Variants in ST6GALNAC3 observed in about 807,000 individuals in gnomAD.
ST6GALNAC3 encodes the protein ST6 N-acetylgalactosaminide alpha-2,6-sialyltransferase 3, also known as alpha-N-acetylgalactosaminide alpha-2,6-sialyltransferase 3.
Under a neutral mutation model 32.7 loss-of-function variants are expected in ST6GALNAC3, and 25 were observed. The ratio of observed to expected loss-of-function variants is 0.76; its 90% CI spans 0.56 to 1.07. The LOEUF (loss-of-function observed/expected upper bound fraction) is 1.07, where lower values mean the gene tolerates loss of function less well. Ranked by LOEUF, ST6GALNAC3 falls within the 50% of genes least tolerant of loss-of-function variation. ST6GALNAC3 has a pLI of 0.00. For missense variants in ST6GALNAC3, 355 were observed against 382.4 expected, an observed-to-expected ratio of 0.93 and a Z score of 0.60; for synonymous variants, 129 against 133.1, an observed-to-expected ratio of 0.97 and a Z score of 0.21.
chr1:76,352,662 C>A (rs1012395191), intron 2 of ST6GALNAC3, among the ~76,000 whole-genome samples: 2 of 152,078 alleles, frequency 1.3e-5, no homozygotes, highest in Non-Finnish European at 2.9e-5. Context: ...AGCCCTGACT[C>A]GTACCATGAG....
chr1:76,602,157 A>G (rs776297308), intron 3 of ST6GALNAC3, among the ~76,000 whole-genome samples: 13 of 152,194 alleles, frequency 8.5e-5, no homozygotes, highest in Non-Finnish European at 1.5e-4. Flanking sequence ...AACTACAGAC[A>G]GCTTGGTTAA....
intron 1 of ST6GALNAC3, 164 bp downstream of exon 1, chr1:76,075,048 A>G: frequency 1.1e-6 from 1 of 904,648 alleles, no homozygotes; most frequent in Non-Finnish European, 1.7e-6. Context: ...GGAGATTCTG[A>G]AACATGCAGC....
chr1:76,561,045 A>C (rs1292114604), intron 3 of ST6GALNAC3, among the ~76,000 whole-genome samples: 4 of 152,228 alleles, frequency 2.6e-5, no homozygotes, highest in African/African-American at 9.6e-5. Flanking sequence ...TGTCATTTGC[A>C]GCAACACGGA....
intron 3 of ST6GALNAC3, among the ~76,000 whole-genome samples, chr1:76,535,579 T>C (rs1391034277): frequency 1.3e-5 from 2 of 152,150 alleles, no homozygotes; most frequent in African/African-American, 4.8e-5. Context: ...CAATCTATTT[T>C]AAAAAATGAC....
chr1:76,260,901 T>A (rs1002628187), intron 1 of ST6GALNAC3, among the ~76,000 whole-genome samples: 1 of 151,720 alleles, frequency 6.6e-6, no homozygotes, highest in East Asian at 1.9e-4. Flanking sequence ...GTGCCTTTTT[T>A]AAAAAATAGA....
intron 1 of ST6GALNAC3, among the ~76,000 whole-genome samples, chr1:76,191,348 T>C (rs1157627697): frequency 6.6e-6 from 1 of 151,730 alleles, no homozygotes; most frequent in East Asian, 1.9e-4. Context: ...GAACCACAGT[T>C]ACTAGGATAC....
intron 3 of ST6GALNAC3, among the ~76,000 whole-genome samples, chr1:76,496,613 C>G (rs773673909): frequency 3.9e-5 from 6 of 152,192 alleles, no homozygotes; most frequent in Admixed American, 2.6e-4. Flanking sequence ...TGCCTCCAAA[C>G]CTCCCCACCC....
Position 76,628,804 on chromosome 1 carries a change from T to C in ST6GALNAC3, c.916T>C (p.Ter306ArgextTer1). ...TACACATCCAAACTGGACATTGTCT[T>C]GATAATGGTTTTCCTGATCTTGCCG... Reference protein sequence around the residue: ...IFTHPNWTLS* With the variant: ...IFTHPNWTLSR Residue 306 changes from the stop codon to arginine, a stop_lost, in exon 5 of 5, where the codon TGA (stop) becomes CGA (arginine). Coordinates refer to ENST00000328299, the MANE Select transcript of ST6GALNAC3 (RefSeq NM_152996.4). 6.2e-7 allele frequency: 1 copy of C among 1,610,172 alleles called. No individual in the cohort carries two copies. Among genetic ancestry groups the C allele is most frequent in the Non-Finnish European group, 8.5e-7 (1 of 1,178,172 alleles).
intron 2 of ST6GALNAC3, among the ~76,000 whole-genome samples, chr1:76,361,273 G>C (rs1649911875): frequency 6.6e-6 from 1 of 151,940 alleles, no homozygotes; most frequent in African/African-American, 2.4e-5. Flanking sequence ...TCTCCTTTCT[G>C]TTTTTATGAA....
chr1:76,083,362 T>C (rs941441973), intron 1 of ST6GALNAC3, among the ~76,000 whole-genome samples: 5 of 152,254 alleles, frequency 3.3e-5, no homozygotes, highest in African/African-American at 1.2e-4. Flanking sequence ...GCCGCGACAA[T>C]GGGCTGGACT....
intron 3 of ST6GALNAC3, among the ~76,000 whole-genome samples, chr1:76,597,521 C>T (rs558053642): frequency 3.3e-5 from 5 of 152,050 alleles, no homozygotes; most frequent in Non-Finnish European, 7.4e-5. Flanking sequence ...ATTTTGGAAT[C>T]GCCTCCCAGA....
At chr1:76,245,917 T>A (rs1657231937) in intron 1 of ST6GALNAC3, among the ~76,000 whole-genome samples, 1 of 152,216 alleles carries the variant, frequency 6.6e-6, no homozygotes, top group Non-Finnish European at 1.5e-5. Flanking sequence ...TAGTTGTTTG[T>A]TAGGTCCACT....
In ST6GALNAC3 at chr1:76,556,509, G is replaced by A. The variant is rs140006890; in HGVS notation, c.624-70943G>A. Among the ~76,000 whole-genome samples the A allele has an allele frequency of 4.4e-3, 662 of 152,152 alleles. 8 individuals are homozygous for A. The highest frequency in any genetic ancestry group is 0.014 in the African/African-American group (596 of 41,532). ...GTTTACATTTCTACCAACAGTTTATGAGGGTTCTGATTTCTCCATATCTTA... is the reference window on the plus strand; with the variant it reads ...GTTTACATTTCTACCAACAGTTTATAAGGGTTCTGATTTCTCCATATCTTA... On this transcript the variant is annotated intron_variant, in intron 3 of 4. Coordinates refer to ENST00000328299, the MANE Select transcript of ST6GALNAC3 (RefSeq NM_152996.4).
In ST6GALNAC3 at chr1:76,634,177, C is replaced by T; in HGVS notation, c.*5371C>T. 1 of 983,894 alleles carries T rather than the reference C, an allele frequency of 1.0e-6. No homozygotes were observed. Among genetic ancestry groups the T allele is most frequent in the Non-Finnish European group, 1.2e-6 (1 of 828,690 alleles). 60.9% of individuals were successfully genotyped at this position (983,894 alleles called of 1,614,324 possible). ...TGAAGACTTCAGAAAAATAGAAGCT[C>T]ACTTCCTTCCATAAAGGTGAAGAAC... On this transcript the variant is annotated 3_prime_UTR_variant, in exon 5 of 5. Transcript: ENST00000328299.
intron 1 of ST6GALNAC3, among the ~76,000 whole-genome samples, chr1:76,303,499 C>T (rs1008681091): frequency 1.3e-5 from 2 of 151,990 alleles, no homozygotes; most frequent in African/African-American, 4.8e-5. Flanking sequence ...CTGAGTCTAC[C>T]GGTACACCCC....
intron 1 of ST6GALNAC3, among the ~76,000 whole-genome samples, chr1:76,169,997 G>T (rs959844867): frequency 6.6e-6 from 1 of 152,088 alleles, no homozygotes; most frequent in Admixed American, 6.6e-5. Context: ...AATCTTTGAG[G>T]TTGCTGACCT....
intron 3 of ST6GALNAC3, among the ~76,000 whole-genome samples, chr1:76,618,804 C>G (rs546400536): frequency 6.6e-6 from 1 of 152,052 alleles, no homozygotes; most frequent in Admixed American, 6.6e-5. Flanking sequence ...TACTGGACAC[C>G]ATCACAATGT....
chr1:76,579,185 G>A (rs945923153), intron 3 of ST6GALNAC3, among the ~76,000 whole-genome samples: 1 of 151,852 alleles, frequency 6.6e-6, no homozygotes, highest in South Asian at 2.1e-4. Context: ...ATTGTGGAGA[G>A]GGGAGAAATC....
chr1:76,579,386 A>G (rs1018690993), intron 3 of ST6GALNAC3, among the ~76,000 whole-genome samples: 2 of 151,942 alleles, frequency 1.3e-5, no homozygotes, highest in African/African-American at 4.8e-5. Context: ...AAAATATTTT[A>G]TTATGTACTT....
Sources: gnomAD v4.1 joint callset for allele counts (sites outside exome capture counted in the v4.1 genomes callset) on GRCh38, gnomAD v4.1.1 for gene constraint, MANE v1.5 for transcripts, NCBI Gene and HGNC (gene_info 2026-07-23, HGNC 2026-07-21) for gene names.